RNF216: variants seen among roughly 807,000 people sequenced by gnomAD.
RNF216 encodes the protein ring finger protein 216, also known as E3 ubiquitin-protein ligase RNF216.
RNF216 carries 72 observed loss-of-function variants against 110.8 expected under a neutral mutation model. That is an observed-to-expected ratio of 0.65 (90% CI 0.54 to 0.79). The LOEUF (loss-of-function observed/expected upper bound fraction) is 0.79. RNF216 is among the 30% of genes least tolerant of loss of function. RNF216 has a pLI of 0.00. For missense variants in RNF216, 1,342 were observed against 1,141.2 expected (o/e 1.18, Z -2.54); for synonymous variants, 495 against 407.5 (o/e 1.21, Z -2.59).
intron 14 of RNF216, among the ~76,000 whole-genome samples, chr7:5,647,167 ATTCT>A (rs1231814614): frequency 1.3e-5 from 2 of 151,464 alleles, no homozygotes; most frequent in African/African-American, 2.4e-5. Context: ...TGCCAGGTTA[ATTCT>A]TGCTCTGGTG....
intron 13 of RNF216, among the ~76,000 whole-genome samples, chr7:5,670,051 C>A (rs372152768): frequency 6.6e-6 from 1 of 151,996 alleles, no homozygotes; most frequent in Non-Finnish European, 1.5e-5. Context: ...CTCAGCCTCC[C>A]GATTAGCTGG....
intron 13 of RNF216, among the ~76,000 whole-genome samples, chr7:5,663,759 G>A (rs1219235296): frequency 6.6e-6 from 1 of 151,838 alleles, no homozygotes; most frequent in African/African-American, 2.4e-5. Context: ...TTAGCCGGGT[G>A]TGGTGGCGCA....
intron 13 of RNF216, among the ~76,000 whole-genome samples, chr7:5,709,236 T>A (rs1792502359): frequency 6.6e-6 from 1 of 152,206 alleles, no homozygotes; most frequent in Non-Finnish European, 1.5e-5. Flanking sequence ...TTGAGCAGCC[T>A]CCTGAAAGGT....
intron 13 of RNF216, among the ~76,000 whole-genome samples, chr7:5,671,640 T>C (rs1789918341): frequency 6.6e-6 from 1 of 151,698 alleles, no homozygotes; most frequent in Admixed American, 6.6e-5. Flanking sequence ...CCGTCTCTAC[T>C]AAAAATACAA....
chr7:5,627,725 G>A (rs1786799445), intron 15 of RNF216, among the ~76,000 whole-genome samples: 1 of 150,376 alleles, frequency 6.6e-6, no homozygotes. Context: ...CCAGCCTGGC[G>A]ACAGAGGGAG....
At chr7:5,716,801 A>T in intron 9 of RNF216, 35 bp from the exon 10 acceptor site, 1 of 1,564,992 alleles carries the variant, frequency 6.4e-7, no homozygotes, top group Non-Finnish European at 8.7e-7. Context: ...TCAGACACAA[A>T]TTTAGTAAAA....
At chr7:5,685,851 A>G (rs1790945187) in intron 13 of RNF216, among the ~76,000 whole-genome samples, 1 of 152,212 alleles carries the variant, frequency 6.6e-6, no homozygotes, top group Non-Finnish European at 1.5e-5. Flanking sequence ...GACAAAAGCA[A>G]AACATTTTCA....
chr7:5,761,158 T>G lies in RNF216; in HGVS notation c.-69-20A>C, dbSNP rs377277574. ...AAAGAACTGAAAAGGAAGCAAAGAG[T>G]AACAGTAAGAATGAGGGAGTATCAA... On this transcript the variant is annotated intron_variant, in intron 1 of 16. Transcript: ENST00000389902. The G allele has an allele frequency of 5.1e-3, 3,692 of 722,922 alleles. 59 individuals are homozygous for G. The highest frequency in any genetic ancestry group is 0.05 in the African/African-American group (2,657 of 53,028). 44.8% of individuals were successfully genotyped at this position (722,922 alleles called of 1,614,324 possible). A position where few individuals can be genotyped will look rare whatever the true frequency, so the allele number is the denominator to read the frequency against.
Position 5,622,792 on chromosome 7 carries a change from G to A in RNF216, c.*68C>T. ...GCAATGGTACAGACACCAGCCTTGGGGGAGGGTTCTCCATCCACACTCCTA... is the reference window on the plus strand; with the variant it reads ...GCAATGGTACAGACACCAGCCTTGGAGGAGGGTTCTCCATCCACACTCCTA... On this transcript the variant is annotated 3_prime_UTR_variant, in exon 17 of 17. Coordinates refer to ENST00000389902, the MANE Select transcript of RNF216 (RefSeq NM_207111.4). The A allele has an allele frequency of 6.9e-7, 1 of 1,440,698 alleles. No homozygotes were observed. The highest frequency in any genetic ancestry group is 1.8e-4 in the Middle Eastern group (1 of 5,558). 89.2% of individuals were successfully genotyped at this position (1,440,698 alleles called of 1,614,324 possible).
At chr7:5,747,734 G>C (rs755929805) in intron 3 of RNF216, among the ~76,000 whole-genome samples, 1 of 87,258 alleles carries the variant, frequency 1.1e-5, no homozygotes, top group South Asian at 4.4e-4. Context: ...TGGGCAACAG[G>C]AGACTCCATC....
chr7:5,657,427 C>G (rs779087267), intron 13 of RNF216, among the ~76,000 whole-genome samples: 1 of 152,076 alleles, frequency 6.6e-6, no homozygotes, highest in Non-Finnish European at 1.5e-5. Flanking sequence ...ATTAGCTGGG[C>G]GTGGTGGCGC....
chr7:5,766,221 T>C (rs1402344803), intron 1 of RNF216, among the ~76,000 whole-genome samples: 2 of 151,796 alleles, frequency 1.3e-5, no homozygotes, highest in African/African-American at 4.8e-5. Flanking sequence ...ACCCAGGAGT[T>C]TGATGTTGCA....
chr7:5,780,180 C>A (rs1797003062), intron 1 of RNF216: 1 of 152,168 alleles, frequency 6.6e-6, no homozygotes, highest in African/African-American at 2.4e-5. Flanking sequence ...TTTTAGCATT[C>A]CTGGCAATTC....
At chr7:5,699,975 TA>T (rs1562404400) in intron 13 of RNF216, among the ~76,000 whole-genome samples, 3 of 152,348 alleles carry the variant, frequency 2.0e-5, no homozygotes, top group Non-Finnish European at 2.9e-5. Flanking sequence ...AATTCAAGGA[TA>T]AACACAAGAA....
chr7:5,658,081 A>G (rs1168456844), intron 13 of RNF216, among the ~76,000 whole-genome samples: 1 of 152,256 alleles, frequency 6.6e-6, no homozygotes, highest in African/African-American at 2.4e-5. Flanking sequence ...ATGTGCATGC[A>G]GAGGAGAAAG....
At chr7:5,729,995 C>T (rs1229857381) in intron 6 of RNF216, among the ~76,000 whole-genome samples, 2 of 152,198 alleles carry the variant, frequency 1.3e-5, no homozygotes, top group Admixed American at 1.3e-4. Context: ...CCATATAACA[C>T]ACTAAATGCC....
At chr7:5,715,793 G>A (rs896745472) in intron 10 of RNF216, among the ~76,000 whole-genome samples, 16 of 146,338 alleles carry the variant, frequency 1.1e-4, no homozygotes, top group Admixed American at 6.8e-5. Context: ...CCGAACTGGA[G>A]TGCAGTGGCA....
At chr7:5,692,813 CATGTTCAGACATGACTAAGTTA>C (rs1167634976) in intron 13 of RNF216, among the ~76,000 whole-genome samples, 1 of 152,216 alleles carries the variant, frequency 6.6e-6, no homozygotes, top group Non-Finnish European at 1.5e-5. Flanking sequence ...TTCTTTTGCT[CATGTTCAGACATGACTAAGTTA>C]ATGACAATGG....
chr7:5,704,316 C>A (rs1028430007), intron 13 of RNF216, among the ~76,000 whole-genome samples: 1 of 152,180 alleles, frequency 6.6e-6, no homozygotes. Flanking sequence ...GGCAAAGACA[C>A]TGCAATGAGA....
Sources: allele counts gnomAD v4.1 joint callset (sites outside exome capture counted in the v4.1 genomes callset), GRCh38; gene constraint gnomAD v4.1.1; transcripts MANE v1.5; gene names NCBI Gene and HGNC (gene_info 2026-07-23, HGNC 2026-07-21).